Variants in C10orf67 observed in about 807,000 individuals in gnomAD.
The protein encoded by C10orf67 is uncharacterized protein C10orf67, mitochondrial.
In C10orf67, 60 loss-of-function variants were observed where a neutral mutation model predicts 35.6. That is an observed-to-expected ratio of 1.68 (90% CI 1.37 to 2.09). The LOEUF is 2.09. C10orf67 is among the 30% of genes most tolerant of loss of function. The pLI is 0.00. For synonymous variants in C10orf67, 167 were observed against 115.8 expected (o/e 1.44, Z -2.84); for missense variants, 474 against 330.2 (o/e 1.44, Z -3.38).
intron 15 of C10orf67, among the ~76,000 whole-genome samples, chr10:23,222,677 AAATTC>A (rs1841617602): frequency 6.6e-6 from 1 of 152,214 alleles, no homozygotes; most frequent in Non-Finnish European, 1.5e-5. Context: ...CAAGCCAGCT[AAATTC>A]ATTAATCCAC....
chr10:23,303,862 C>T (rs975336741), intron 4 of C10orf67, among the ~76,000 whole-genome samples: 22 of 152,184 alleles, frequency 1.4e-4, no homozygotes, highest in African/African-American at 4.8e-4. Context: ...GGATAGAAGA[C>T]TGCAAAACTC....
intron 10 of C10orf67, among the ~76,000 whole-genome samples, chr10:23,251,541 G>A (rs934167596): frequency 3.9e-5 from 6 of 152,214 alleles, no homozygotes; most frequent in African/African-American, 1.2e-4. Context: ...GGCATATCAT[G>A]AATGAGAGAG....
chr10:23,300,832 T>C (rs1171513243), intron 5 of C10orf67, among the ~76,000 whole-genome samples: 1 of 152,224 alleles, frequency 6.6e-6, no homozygotes, highest in Non-Finnish European at 1.5e-5. Flanking sequence ...TTTTCCTCTG[T>C]TGTCATCCTA....
At chr10:23,327,831 G>GA (rs546340938) in intron 2 of C10orf67, among the ~76,000 whole-genome samples, 2,129 of 142,846 alleles carry the variant, frequency 0.015, 30 homozygotes, top group Middle Eastern at 0.038. Flanking sequence ...TCTCGGGGGA[G>GA]AAAAAAAAAA....
intron 8 of C10orf67, among the ~76,000 whole-genome samples, chr10:23,274,033 A>G (rs908894828): frequency 2.6e-5 from 4 of 152,118 alleles, no homozygotes; most frequent in Admixed American, 2.6e-4. Context: ...ATCATCACAT[A>G]TTGGTAGGAC....
intron 12 of C10orf67, among the ~76,000 whole-genome samples, chr10:23,249,863 A>G (rs1842404559): frequency 2.0e-5 from 3 of 152,256 alleles, no homozygotes; most frequent in African/African-American, 7.2e-5. Flanking sequence ...ACACAACTAA[A>G]CAGAAGACAG....
chr10:23,244,955 T>C (rs1464364283), intron 12 of C10orf67, among the ~76,000 whole-genome samples: 1 of 152,210 alleles, frequency 6.6e-6, no homozygotes, highest in Non-Finnish European at 1.5e-5. Context: ...TGAGAAACTA[T>C]GTTACAAAGC....
chr10:23,323,141 T>A (rs1169989540), intron 2 of C10orf67, among the ~76,000 whole-genome samples: 1 of 152,210 alleles, frequency 6.6e-6, no homozygotes. Flanking sequence ...ATATCTGTGT[T>A]AATATTGGCC....
At chr10:23,221,971 C>A (rs140982396) in intron 15 of C10orf67, among the ~76,000 whole-genome samples, 1 of 152,188 alleles carries the variant, frequency 6.6e-6, no homozygotes, top group East Asian at 1.9e-4. Context: ...TGTCCACAGG[C>A]ATCTGGTGTG....
At chr10:23,288,640 G>T (rs1352348958) in intron 7 of C10orf67, among the ~76,000 whole-genome samples, 1 of 152,136 alleles carries the variant, frequency 6.6e-6, no homozygotes, top group Non-Finnish European at 1.5e-5. Context: ...AGAATATCTT[G>T]AATGGCAATA....
chr10:23,256,204 G>A (rs967629828), intron 10 of C10orf67, among the ~76,000 whole-genome samples: 3 of 151,968 alleles, frequency 2.0e-5, no homozygotes, highest in Admixed American at 6.6e-5. Flanking sequence ...GTCTTGCTAT[G>A]TTCCCCAGGC....
chr10:23,288,804 G>T (rs1006223989), intron 7 of C10orf67, among the ~76,000 whole-genome samples: 13 of 152,114 alleles, frequency 8.5e-5, no homozygotes, highest in Admixed American at 3.9e-4. Flanking sequence ...GTTACTGGAA[G>T]ATATTTATGT....
At chr10:23,262,034 T>G (rs1417654233) in intron 10 of C10orf67, among the ~76,000 whole-genome samples, 1 of 151,982 alleles carries the variant, frequency 6.6e-6, no homozygotes, top group Non-Finnish European at 1.5e-5. Flanking sequence ...AACTGACAAG[T>G]TTGGCCAGGC....
rs1431070762 is a variant in C10orf67 at position 23,338,787 on chromosome 10, T to A, written c.207-5605A>T. Among the ~76,000 whole-genome samples the A allele has an allele frequency of 3.3e-5, 5 of 152,174 alleles. No individual in the cohort carries two copies. In the East Asian group the frequency reaches 7.7e-4, roughly 24 times the overall value. The stretch of plus-strand genomic sequence containing the variant: ...ACTTTGGGAGGCCGAGGCGGGAAGA[T>A]CACTTGAGCCCAGGAGTTCAGGAAT... On this transcript the variant is annotated intron_variant, in intron 1 of 15. Transcript: ENST00000636213.
intron 9 of C10orf67, 28 bp downstream of exon 9, chr10:23,267,165 AAG>A (rs1215031537): frequency 5.7e-6 from 4 of 703,374 alleles, no homozygotes; most frequent in Admixed American, 4.3e-5. Context: ...ATAAAAGAGA[AAG>A]AGAGAGAGAA....
chr10:23,271,756 T>C (rs111512760), intron 8 of C10orf67, among the ~76,000 whole-genome samples: 192 of 152,358 alleles, frequency 1.3e-3, no homozygotes, highest in African/African-American at 4.5e-3. Context: ...GCTTGGCCAT[T>C]TAAAAAATTG....
chr10:23,293,228 G>A lies in C10orf67; in HGVS notation c.703-1949C>T, dbSNP rs1206749616. 6.6e-5 allele frequency among the ~76,000 whole-genome samples: 10 copies of A among 152,302 alleles called. No homozygotes were observed. In the South Asian group the frequency reaches 1.9e-3, roughly 28 times the overall value. On this transcript the variant is annotated intron_variant, in intron 5 of 15. Transcript: ENST00000636213. ...GTTCTAAGAATCTCTTTGTATGAAA[G>A]CAGGACGCAAGGAAAACACATTAAA...
chr10:23,275,150 T>C (rs528094096), intron 8 of C10orf67, among the ~76,000 whole-genome samples: 1 of 152,138 alleles, frequency 6.6e-6, no homozygotes, highest in Non-Finnish European at 1.5e-5. Context: ...ACAGAGAGTA[T>C]TTCCATTTGC....
At chr10:23,248,424 T>C (rs1385276461) in intron 12 of C10orf67, among the ~76,000 whole-genome samples, 2 of 152,098 alleles carry the variant, frequency 1.3e-5, no homozygotes, top group Non-Finnish European at 2.9e-5. Context: ...ACATTCAATC[T>C]TCCTGGAAAT....
Sources: gnomAD v4.1 joint callset for allele counts (sites outside exome capture counted in the v4.1 genomes callset) on GRCh38, gnomAD v4.1.1 for gene constraint, MANE v1.5 for transcripts, NCBI Gene and HGNC (gene_info 2026-07-23, HGNC 2026-07-21) for gene names.